PTPRT: variants seen among roughly 807,000 people sequenced by gnomAD.
The protein encoded by PTPRT is protein tyrosine phosphatase receptor type T.
A neutral mutation model predicts 176.8 loss-of-function variants in PTPRT; 56 were observed. The observed-to-expected ratio is 0.32, with a 90% CI of 0.26 to 0.40. The LOEUF (loss-of-function observed/expected upper bound fraction) is 0.40. Among genes scored for constraint, PTPRT ranks in the 10% least tolerant of loss-of-function variants. The pLI, the probability that PTPRT is intolerant of heterozygous loss-of-function variation, is 1.00. For synonymous variants in PTPRT, 783 were observed against 739.0 expected, an observed-to-expected ratio of 1.06 and a Z score of -0.96; for missense variants, 1,540 against 1,908.2, an observed-to-expected ratio of 0.81 and a Z score of 3.60.
At chr20:42,110,990 ACT>A (rs1326712373) in intron 22 of PTPRT, among the ~76,000 whole-genome samples, 1 of 152,176 alleles carries the variant, frequency 6.6e-6, no homozygotes, top group Non-Finnish European at 1.5e-5. Context: ...ATAACTTAGT[ACT>A]GACTTCTTTA....
intron 16 of PTPRT, among the ~76,000 whole-genome samples, chr20:42,166,737 G>A (rs1382975434): frequency 6.6e-6 from 1 of 152,078 alleles, no homozygotes; most frequent in Non-Finnish European, 1.5e-5. Context: ...TAGCCAACAT[G>A]GTGAAACCCC....
chr20:42,323,920 G>T (rs527497543), intron 11 of PTPRT, among the ~76,000 whole-genome samples: 82 of 152,244 alleles, frequency 5.4e-4, no homozygotes, highest in African/African-American at 1.9e-3. Flanking sequence ...ATTGCTGTTG[G>T]AAAGGTAAAA....
intron 15 of PTPRT, among the ~76,000 whole-genome samples, chr20:42,201,030 T>G (rs1991426955): frequency 6.6e-6 from 1 of 152,192 alleles, no homozygotes; most frequent in African/African-American, 2.4e-5. Context: ...AAACCTCAAC[T>G]TAGGCTGGGA....
chr20:42,154,063 A>G (rs768428414), intron 17 of PTPRT, among the ~76,000 whole-genome samples: 6 of 152,108 alleles, frequency 3.9e-5, no homozygotes, highest in African/African-American at 7.2e-5. Context: ...GAGCCCAGGT[A>G]TTCCTGTTTT....
At chr20:42,705,218 A>G (rs1454930134) in intron 6 of PTPRT, among the ~76,000 whole-genome samples, 2 of 152,120 alleles carry the variant, frequency 1.3e-5, no homozygotes, top group Non-Finnish European at 2.9e-5. Context: ...AATAATAATA[A>G]TAATAATTGT....
At chr20:42,584,382 A>C (rs1391267727) in intron 7 of PTPRT, among the ~76,000 whole-genome samples, 1 of 151,936 alleles carries the variant, frequency 6.6e-6, no homozygotes, top group Non-Finnish European at 1.5e-5. Context: ...CATACCAAAC[A>C]TGGTCCTCCC....
At chr20:42,693,729 C>A (rs2075826066) in intron 6 of PTPRT, among the ~76,000 whole-genome samples, 1 of 152,062 alleles carries the variant, frequency 6.6e-6, no homozygotes, top group Non-Finnish European at 1.5e-5. Context: ...TACTATAGAC[C>A]TATATGTAAA....
chr20:42,504,263 C>T (rs1413589416), intron 7 of PTPRT, among the ~76,000 whole-genome samples: 1 of 152,042 alleles, frequency 6.6e-6, no homozygotes, highest in Non-Finnish European at 1.5e-5. Flanking sequence ...GTAATCCCAT[C>T]TATTCATTTA....
intron 1 of PTPRT, among the ~76,000 whole-genome samples, chr20:42,927,448 GC>G: frequency 6.6e-6 from 1 of 152,198 alleles, no homozygotes; most frequent in Non-Finnish European, 1.5e-5. Context: ...CGTAATCCAA[GC>G]TACTTGGGAG....
rs375354104 is a variant in PTPRT at position 42,935,233 on chromosome 20, G to C, written c.89-49301C>G. Among the ~76,000 whole-genome samples, 633 of 141,982 alleles carry C rather than the reference G, an allele frequency of 4.5e-3. 5 individuals are homozygous for C. The highest frequency in any genetic ancestry group is 0.016 in the African/African-American group (603 of 37,806). The allele number at this position is 141,982 out of a possible 152,430, so 93.1% of individuals were successfully genotyped here. Reference sequence around the variant, plus strand: ...TAGCTCACTGTAACCTCATATTCCTGGGCACAAGCAATCCTCCTACCTTAG... The same window carrying C: ...TAGCTCACTGTAACCTCATATTCCTCGGCACAAGCAATCCTCCTACCTTAG... On this transcript the variant is annotated intron_variant, in intron 1 of 30. Coordinates refer to ENST00000373187, the MANE Select transcript of PTPRT (RefSeq NM_007050.6).
intron 7 of PTPRT, among the ~76,000 whole-genome samples, chr20:42,503,469 G>A (rs1344006797): frequency 6.6e-6 from 1 of 151,964 alleles, no homozygotes; most frequent in African/African-American, 2.4e-5. Flanking sequence ...ACTTCCAAAT[G>A]TATAAACTTT....
chr20:42,319,795 G>A (rs1362823650), intron 11 of PTPRT, among the ~76,000 whole-genome samples: 1 of 152,184 alleles, frequency 6.6e-6, no homozygotes, highest in Middle Eastern at 3.2e-3. Flanking sequence ...CTAAGAGCAT[G>A]TTCTTTTCAG....
chr20:42,161,568 A>T, intron 16 of PTPRT, 26 bp from the exon 17 acceptor site: 2 of 1,569,914 alleles, frequency 1.3e-6, no homozygotes, highest in Non-Finnish European at 8.6e-7. Flanking sequence ...GGCAGAACAG[A>T]TCATCACCTA....
chr20:42,146,243 T>A (rs566488737), intron 17 of PTPRT, among the ~76,000 whole-genome samples: 1 of 152,282 alleles, frequency 6.6e-6, no homozygotes, highest in South Asian at 2.1e-4. Flanking sequence ...AGCACTGGAC[T>A]TCTGGATGTC....
At chr20:42,389,866 A>AAAAGAAAG (rs1555839179) in intron 9 of PTPRT, among the ~76,000 whole-genome samples, 1 of 138,434 alleles carries the variant, frequency 7.2e-6, no homozygotes. Flanking sequence ...AAAAAAAAAA[A>AAAAGAAAG]AAAGAAAGAA....
chr20:42,544,733 C>T (rs368814546), intron 7 of PTPRT, among the ~76,000 whole-genome samples: 3 of 152,222 alleles, frequency 2.0e-5, no homozygotes, highest in Non-Finnish European at 4.4e-5. Context: ...AGTAAGATCA[C>T]ATGGTCTTGC....
At chr20:42,251,052 G>A (rs1396253863) in intron 13 of PTPRT, among the ~76,000 whole-genome samples, 1 of 152,218 alleles carries the variant, frequency 6.6e-6, no homozygotes, top group Non-Finnish European at 1.5e-5. Flanking sequence ...CCAGGCTGGA[G>A]ACATGATTTC....
intron 1 of PTPRT, among the ~76,000 whole-genome samples, chr20:43,172,620 T>C (rs1050357617): frequency 6.6e-6 from 1 of 152,208 alleles, no homozygotes; most frequent in African/African-American, 2.4e-5. Flanking sequence ...GCAATAGCAC[T>C]ATAACCAAGG....
At chr20:42,381,465 T>C (rs1288926723) in intron 9 of PTPRT, among the ~76,000 whole-genome samples, 1 of 152,194 alleles carries the variant, frequency 6.6e-6, no homozygotes, top group Non-Finnish European at 1.5e-5. Flanking sequence ...TGTTGACCCA[T>C]GATGGACGTG....
Sources: gnomAD v4.1 joint callset for allele counts (sites outside exome capture counted in the v4.1 genomes callset) on GRCh38, gnomAD v4.1.1 for gene constraint, MANE v1.5 for transcripts, NCBI Gene and HGNC (gene_info 2026-07-23, HGNC 2026-07-21) for gene names.